LRBA: variants seen among roughly 807,000 people sequenced by gnomAD.
The protein encoded by LRBA is LPS responsive beige-like anchor protein, also known as lipopolysaccharide-responsive and beige-like anchor protein.
A neutral mutation model predicts 330.0 loss-of-function variants in LRBA; 176 were observed. The ratio of observed to expected loss-of-function variants is 0.53; its 90% CI spans 0.47 to 0.60. The LOEUF is 0.60. Among genes scored for constraint, LRBA ranks in the 20% least tolerant of loss-of-function variants. LRBA has a pLI of 0.00. For synonymous variants in LRBA, 1,230 were observed against 1,193.0 expected, an observed-to-expected ratio of 1.03 and a Z score of -0.64; for missense variants, 3,259 against 3,444.8, an observed-to-expected ratio of 0.95 and a Z score of 1.35.
At chr4:150,882,484 T>C (rs1466933705) in intron 17 of LRBA, among the ~76,000 whole-genome samples, 1 of 152,076 alleles carries the variant, frequency 6.6e-6, no homozygotes, top group Non-Finnish European at 1.5e-5. Context: ...TATTTGGAAA[T>C]AAAGAAAAGT....
intron 44 of LRBA, among the ~76,000 whole-genome samples, chr4:150,460,768 T>C (rs1754679628): frequency 1.3e-5 from 2 of 151,816 alleles, no homozygotes. Flanking sequence ...GAAAAACAGA[T>C]TTTTCTTTAC....
intron 2 of LRBA, among the ~76,000 whole-genome samples, chr4:150,951,409 C>T (rs888327493): frequency 1.3e-5 from 2 of 151,918 alleles, no homozygotes; most frequent in African/African-American, 4.8e-5. Flanking sequence ...CACCCCTATA[C>T]TAACCTGAAA....
chr4:150,695,932 C>T (rs1280937295), intron 36 of LRBA, among the ~76,000 whole-genome samples: 2 of 152,110 alleles, frequency 1.3e-5, no homozygotes, highest in Non-Finnish European at 2.9e-5. Flanking sequence ...GTAAATCTTA[C>T]ACTTAAATAT....
chr4:150,459,659 AAT>A (rs1754520395), intron 44 of LRBA, among the ~76,000 whole-genome samples: 1 of 151,910 alleles, frequency 6.6e-6, no homozygotes, highest in Non-Finnish European at 1.5e-5. Context: ...CAATCCTACA[AAT>A]ACGTTGGGAA....
Position 150,735,306 on chromosome 4 carries a change from G to T in LRBA, c.5706C>A (p.Ile1902=). 6.2e-7 allele frequency: 1 copy of T among 1,613,658 alleles called. No homozygotes were observed. Among genetic ancestry groups the T allele is most frequent in the Non-Finnish European group, 8.5e-7 (1 of 1,179,760 alleles). ...LVRVANEAEF[I]LSRQRAEDIH... ...TATCTTCTGCTCTCTGCCTGCTCAG[G>T]ATAAATTCAGCTTCATTTGCTACTC... Residue 1902 remains isoleucine (I), a synonymous_variant, in exon 36 of 57, where the codon ATC becomes ATA. Transcript: ENST00000651943.
rs1746637913 is a variant in LRBA, at chr4:150,828,602, G to A, written c.4749C>T (p.Phe1583=). ...VSLSEITPAA[F]STLTTASVEE... is the part of the protein sequence containing the mutation. ...CCACTGATGCCGTAGTTAAAGTGCT[G>A]AATGCTGCTGGTGTGATTTCTATAT... The change falls in exon 30 of 57, where the codon TTC becomes TTT. Residue 1583 remains phenylalanine, a synonymous_variant. Coordinates refer to ENST00000651943, the MANE Select transcript of LRBA (RefSeq NM_001364905.1). The A allele has an allele frequency of 1.2e-6, 2 of 1,613,712 alleles. No homozygotes were observed. Among genetic ancestry groups the A allele is most frequent in the Non-Finnish European group, 1.7e-6 (2 of 1,179,862 alleles).
In LRBA at chr4:150,583,320, C is replaced by A; in HGVS notation, c.6330+4728G>T. 5 of 1,614,190 alleles carry A rather than the reference C, an allele frequency of 3.1e-6. No homozygotes were observed. The highest frequency in any genetic ancestry group is 4.2e-6 in the Non-Finnish European group (5 of 1,180,048). ...TGGACGACGGCTCGCTGCCCGGCTG[C>A]GCAGTGCTCAAACTGAGCGATGGGC... On this transcript the variant is annotated intron_variant, in intron 40 of 56. Coordinates refer to ENST00000651943, the MANE Select transcript of LRBA (RefSeq NM_001364905.1). The surrounding 1 kb of genome is among the most constrained non-coding windows in gnomAD (Gnocchi z 9.8).
intron 53 of LRBA, among the ~76,000 whole-genome samples, chr4:150,290,656 G>A (rs1393141396): frequency 6.6e-6 from 1 of 152,142 alleles, no homozygotes; most frequent in Non-Finnish European, 1.5e-5. Context: ...GGGTGTCTTT[G>A]TCCAGAGAGC....
chr4:150,302,136 C>T (rs1030507961), intron 53 of LRBA, among the ~76,000 whole-genome samples: 1 of 152,126 alleles, frequency 6.6e-6, no homozygotes, highest in African/African-American at 2.4e-5. Context: ...TTTTCATTTC[C>T]CATCTGAAAA....
chr4:150,836,587 G>C (rs1748118474), intron 28 of LRBA, among the ~76,000 whole-genome samples: 1 of 152,160 alleles, frequency 6.6e-6, no homozygotes, highest in Non-Finnish European at 1.5e-5. Flanking sequence ...TTGCATAGAG[G>C]TGTTTATAGT....
chr4:150,587,670 G>C (rs1266646550), intron 40 of LRBA, among the ~76,000 whole-genome samples: 1 of 152,028 alleles, frequency 6.6e-6, no homozygotes, highest in Admixed American at 6.6e-5. Context: ...TGATATATTG[G>C]CATCATATCC....
chr4:150,894,253 T>C (rs1729814520), intron 16 of LRBA, among the ~76,000 whole-genome samples: 1 of 152,204 alleles, frequency 6.6e-6, no homozygotes, highest in Non-Finnish European at 1.5e-5. Context: ...GAATGTTTTA[T>C]TCACTGTGCC....
rs773822371 is a variant in LRBA at position 150,670,139 on chromosome 4, T to C, written c.5921+13412A>G. ...AATTATCTTTTTTCTCATTATTCCA[T>C]CGCCTTAAGTTTCAGTATTCACTGA... is the stretch of plus-strand genomic sequence containing the variant. On this transcript the variant is annotated intron_variant, in intron 37 of 56. Coordinates refer to ENST00000651943, the MANE Select transcript of LRBA (RefSeq NM_001364905.1). Among the ~76,000 whole-genome samples, 4 of 152,338 alleles carry C rather than the reference T, an allele frequency of 2.6e-5. No homozygotes were observed. The East Asian group carries it at 5.8e-4, about 22-fold the overall frequency.
intron 46 of LRBA, chr4:150,423,466 C>T: frequency 1.7e-6 from 1 of 575,544 alleles, no homozygotes; most frequent in Non-Finnish European, 3.1e-6. Context: ...CCCATTTCTT[C>T]ATCTGGATCA....
intron 28 of LRBA, among the ~76,000 whole-genome samples, chr4:150,836,808 G>C (rs1249974642): frequency 6.6e-6 from 1 of 152,064 alleles, no homozygotes; most frequent in African/African-American, 2.4e-5. Context: ...GTTCTACTCT[G>C]ATCTTAGTTA....
chr4:150,344,806 C>T (rs1017425411), intron 48 of LRBA, among the ~76,000 whole-genome samples: 10 of 152,150 alleles, frequency 6.6e-5, no homozygotes, highest in African/African-American at 2.2e-4. Flanking sequence ...TTGCCTTGGC[C>T]TCCAAAAGTG....
chr4:150,899,829 C>T (rs1404017739), intron 14 of LRBA, among the ~76,000 whole-genome samples: 3 of 152,086 alleles, frequency 2.0e-5, no homozygotes, highest in East Asian at 3.9e-4. Flanking sequence ...CTCACACCAG[C>T]ACAAGTAGTA....
chr4:150,891,546 G>T (rs1285891687), intron 17 of LRBA, among the ~76,000 whole-genome samples: 1 of 152,182 alleles, frequency 6.6e-6, no homozygotes, highest in East Asian at 1.9e-4. Context: ...AAGCCTAACT[G>T]CCTTGGAGAA....
intron 34 of LRBA, among the ~76,000 whole-genome samples, chr4:150,796,273 T>G (rs1433994200): frequency 6.6e-6 from 1 of 151,938 alleles, no homozygotes; most frequent in Non-Finnish European, 1.5e-5. Flanking sequence ...AATAAATCAC[T>G]TTTGTGATTG....
Sources: gnomAD v4.1 joint callset for allele counts (sites outside exome capture counted in the v4.1 genomes callset) on GRCh38, gnomAD v4.1.1 for gene constraint, Gnocchi (gnomAD v3.1) non-coding constraint, MANE v1.5 for transcripts, NCBI Gene and HGNC (gene_info 2026-07-23, HGNC 2026-07-21) for gene names.